TAFA4: variants seen among roughly 807,000 people sequenced by gnomAD.
TAFA4 encodes the protein TAFA chemokine like family member 4.
A neutral mutation model predicts 21.1 loss-of-function variants in TAFA4; 20 were observed. The observed-to-expected ratio is 0.95, with a 90% CI of 0.67 to 1.38. TAFA4 has a LOEUF of 1.38. TAFA4 is among the 40% of genes most tolerant of loss of function. The probability of loss-of-function intolerance (pLI) is 0.00; values close to 1 mark genes in which losing one functional copy is unlikely to be tolerated. For missense variants in TAFA4, 211 were observed against 180.9 expected (o/e 1.17, Z -0.95); for synonymous variants, 71 against 67.4 (o/e 1.05, Z -0.26).
chr3:68,782,200 A>G (rs1703166232), intron 3 of TAFA4, among the ~76,000 whole-genome samples: 1 of 152,210 alleles, frequency 6.6e-6, no homozygotes, highest in African/African-American at 2.4e-5. Context: ...TTGAATAGAT[A>G]TTTCTCCAAA....
chr3:68,785,261 T>G (rs1703229829), intron 3 of TAFA4, among the ~76,000 whole-genome samples: 1 of 152,358 alleles, frequency 6.6e-6, no homozygotes, highest in Non-Finnish European at 1.5e-5. Context: ...CCAGTGGATC[T>G]CGCACTGGGG....
intron 3 of TAFA4, among the ~76,000 whole-genome samples, chr3:68,858,740 C>A (rs753123050): frequency 6.6e-6 from 1 of 152,064 alleles, no homozygotes; most frequent in African/African-American, 2.4e-5. Flanking sequence ...TAACGTCACA[C>A]AGCTAGTCTG....
At chr3:68,832,283 C>T (rs1704416390) in intron 3 of TAFA4, among the ~76,000 whole-genome samples, 2 of 152,330 alleles carry the variant, frequency 1.3e-5, no homozygotes, top group South Asian at 2.1e-4. Flanking sequence ...AATTTTCAGC[C>T]TCTCTGCTCT....
chr3:68,801,262 G>A (rs1036483970), intron 3 of TAFA4, among the ~76,000 whole-genome samples: 6 of 152,150 alleles, frequency 3.9e-5, no homozygotes, highest in Admixed American at 1.3e-4. Context: ...CCAAAATATC[G>A]GAAGGGATTA....
chr3:68,767,077 A>G (rs34668623), intron 3 of TAFA4, among the ~76,000 whole-genome samples: 6,745 of 152,230 alleles, frequency 0.044, 375 homozygotes, highest in East Asian at 0.26. Context: ...ATTTATTTCA[A>G]TAGCTTTTGG....
chr3:68,878,251 A>G (rs749752241), intron 3 of TAFA4, among the ~76,000 whole-genome samples: 5 of 152,344 alleles, frequency 3.3e-5, no homozygotes, highest in Admixed American at 2.0e-4. Flanking sequence ...GTATAAATCA[A>G]TAGCACCCAA....
At chr3:68,906,644 G>C (rs186811441) in intron 1 of TAFA4, among the ~76,000 whole-genome samples, 390 of 152,252 alleles carry the variant, frequency 2.6e-3, no homozygotes, top group Non-Finnish European at 4.6e-3. Flanking sequence ...GTGTCAACCA[G>C]AGAGTGGACT....
chr3:68,812,585 T>G (rs1315032758), intron 3 of TAFA4, among the ~76,000 whole-genome samples: 1 of 152,170 alleles, frequency 6.6e-6, no homozygotes, highest in Non-Finnish European at 1.5e-5. Context: ...AGAAGGCCAT[T>G]ACATAATGGT....
chr3:68,846,408 A>T (rs1291144304), intron 3 of TAFA4, among the ~76,000 whole-genome samples: 1 of 151,848 alleles, frequency 6.6e-6, no homozygotes, highest in East Asian at 1.9e-4. Flanking sequence ...TCTAGTTAGC[A>T]ATTCATCTAA....
At chr3:68,787,119 T>A (rs575475029) in intron 3 of TAFA4, among the ~76,000 whole-genome samples, 53 of 151,948 alleles carry the variant, frequency 3.5e-4, no homozygotes, top group South Asian at 6.2e-4. Context: ...TAAAGAAGAG[T>A]CAGTTGAGGC....
At position 68,867,065 on chromosome 3, in the gene TAFA4, C is replaced by A. The variant is rs73108696; in HGVS notation, c.130+13665G>T. Reference sequence around the variant, plus strand: ...AAACCTAGAGCAAGATATAAATATCCAGGTACAAGGATGTCAGAGATCACC... The same window carrying A: ...AAACCTAGAGCAAGATATAAATATCAAGGTACAAGGATGTCAGAGATCACC... On this transcript the variant is annotated intron_variant, in intron 3 of 5. Transcript: ENST00000295569. Among the ~76,000 whole-genome samples, 940 of 151,848 alleles carry A rather than the reference C, an allele frequency of 6.2e-3. 37 individuals are homozygous for A. The East Asian group carries it at 0.11, about 18-fold the overall frequency.
chr3:68,880,039 A>C (rs926728563), intron 3 of TAFA4, among the ~76,000 whole-genome samples: 1 of 143,202 alleles, frequency 7.0e-6, no homozygotes, highest in Non-Finnish European at 1.5e-5. Context: ...ATGTTGATGT[A>C]AGAAAGAAAG....
chr3:68,853,299 G>C (rs1262326609), intron 3 of TAFA4, among the ~76,000 whole-genome samples: 1 of 152,138 alleles, frequency 6.6e-6, no homozygotes, highest in African/African-American at 2.4e-5. Context: ...ACATGAGTCA[G>C]TTGTGTTTTG....
chr3:68,872,190 A>G (rs2089490735), intron 3 of TAFA4, among the ~76,000 whole-genome samples: 1 of 151,520 alleles, frequency 6.6e-6, no homozygotes, highest in Non-Finnish European at 1.5e-5. Context: ...CAAATGTGGT[A>G]CATATATATA....
At chr3:68,775,960 C>T (rs769451979) in intron 3 of TAFA4, among the ~76,000 whole-genome samples, 73 of 152,066 alleles carry the variant, frequency 4.8e-4, no homozygotes, top group Non-Finnish European at 9.1e-4. Context: ...GGAGCAAGAT[C>T]TTTGAAGTAC....
At chr3:68,816,506 G>A (rs945966832) in intron 3 of TAFA4, among the ~76,000 whole-genome samples, 10 of 151,902 alleles carry the variant, frequency 6.6e-5, no homozygotes, top group South Asian at 2.1e-4. Context: ...TTTCTTTTCC[G>A]ATGTGTTGCT....
chr3:68,915,845 T>C (rs983988772), intron 1 of TAFA4, among the ~76,000 whole-genome samples: 1 of 152,194 alleles, frequency 6.6e-6, no homozygotes, highest in Admixed American at 6.5e-5. Flanking sequence ...TTGTGCAAAA[T>C]GGGCACTTAA....
intron 3 of TAFA4, among the ~76,000 whole-genome samples, chr3:68,879,802 A>C (rs550791006): frequency 6.6e-6 from 1 of 152,300 alleles, no homozygotes; most frequent in Non-Finnish European, 1.5e-5. Context: ...TATCTCATGA[A>C]CTTTCCAAAC....
chr3:68,810,431 AG>A lies in TAFA4; in HGVS notation c.131-57414del, dbSNP rs1703809407. 2.6e-5 allele frequency among the ~76,000 whole-genome samples: 4 copies of A among 152,310 alleles called. No homozygotes were observed. The South Asian group carries it at 8.3e-4, about 32-fold the overall frequency. ...GGAATTCCCTTTCCTAGTCAAAGAAAGGGGTGACAGACGGCATCTGGAAAAT... is the reference window on the plus strand; with the variant it reads ...GGAATTCCCTTTCCTAGTCAAAGAAAGGGTGACAGACGGCATCTGGAAAAT... On this transcript the variant is annotated intron_variant, in intron 3 of 5. Transcript: ENST00000295569.
Sources: gnomAD v4.1 joint callset for allele counts (sites outside exome capture counted in the v4.1 genomes callset) on GRCh38, gnomAD v4.1.1 for gene constraint, MANE v1.5 for transcripts, NCBI Gene and HGNC (gene_info 2026-07-23, HGNC 2026-07-21) for gene names.